The following SLC8A1 variants were observed in gnomAD, a reference collection of about 807,000 sequenced individuals.
SLC8A1 encodes the protein sodium/calcium exchanger 1.
In SLC8A1, 18 loss-of-function variants were observed where a neutral mutation model predicts 68.3. That is an observed-to-expected ratio of 0.26 (90% confidence interval 0.18 to 0.39). The LOEUF is 0.39. Ranked by LOEUF, SLC8A1 falls within the 10% of genes least tolerant of loss-of-function variation. The probability of loss-of-function intolerance (pLI) is 1.00; values close to 1 mark genes in which losing one functional copy is unlikely to be tolerated. For missense variants in SLC8A1, 985 were observed against 1,156.7 expected, an observed-to-expected ratio of 0.85 and a Z score of 2.15; for synonymous variants, 475 against 415.5, an observed-to-expected ratio of 1.14 and a Z score of -1.74.
chr2:40,255,062 TGA>T (rs1487405753), intron 2 of SLC8A1: 1 of 152,110 alleles, frequency 6.6e-6, no homozygotes, highest in East Asian at 1.9e-4. Context: ...TCTCCTTAAA[TGA>T]CAGACCTTTT....
chr2:40,303,460 G>A (rs1400865996), intron 2 of SLC8A1, among the ~76,000 whole-genome samples: 3 of 152,146 alleles, frequency 2.0e-5, no homozygotes, highest in Admixed American at 6.5e-5. Flanking sequence ...ACAACACACT[G>A]AGTTCTGGCA....
chr2:40,302,262 G>A (rs1160109353), intron 2 of SLC8A1, among the ~76,000 whole-genome samples: 2 of 151,822 alleles, frequency 1.3e-5, no homozygotes, highest in Non-Finnish European at 2.9e-5. Flanking sequence ...AAAATCCATT[G>A]TATCATTTTT....
chr2:40,476,196 G>T (rs952665421), intron 1 of SLC8A1, among the ~76,000 whole-genome samples: 13 of 152,014 alleles, frequency 8.6e-5, no homozygotes, highest in East Asian at 1.9e-4. Context: ...TATCTAATTT[G>T]CAACAACCAA....
chr2:40,106,367 G>C (rs1485620716), exon 8 of SLC8A1: 2 of 152,056 alleles, frequency 1.3e-5, no homozygotes, highest in South Asian at 4.1e-4. Flanking sequence ...TCCTAGAAGA[G>C]TCACTGGTAG....
chr2:40,181,023 G>C (rs1483476839), intron 2 of SLC8A1, among the ~76,000 whole-genome samples: 2 of 151,428 alleles, frequency 1.3e-5, no homozygotes, highest in Non-Finnish European at 3.0e-5. Context: ...GCAGTGGTGT[G>C]ATCTCGGCTT....
At chr2:40,497,868 G>A (rs1705809945) in intron 1 of SLC8A1, among the ~76,000 whole-genome samples, 1 of 152,082 alleles carries the variant, frequency 6.6e-6, no homozygotes, top group Admixed American at 6.6e-5. Context: ...TAAAACTTGT[G>A]TTTTAGCAAA....
chr2:40,377,246 G>C (rs1487579410), intron 2 of SLC8A1, among the ~76,000 whole-genome samples: 3 of 152,014 alleles, frequency 2.0e-5, no homozygotes. Context: ...GAATAAGCAA[G>C]CCACCATGAA....
intron 2 of SLC8A1, among the ~76,000 whole-genome samples, chr2:40,316,621 T>C (rs1190189642): frequency 6.6e-6 from 1 of 152,026 alleles, no homozygotes; most frequent in Non-Finnish European, 1.5e-5. Flanking sequence ...CAGGGTCTAC[T>C]GCCCTCCTGC....
intron 2 of SLC8A1, among the ~76,000 whole-genome samples, chr2:40,411,329 A>G (rs1041135360): frequency 6.6e-6 from 1 of 152,110 alleles, no homozygotes; most frequent in African/African-American, 2.4e-5. Flanking sequence ...ACTTCCATAT[A>G]TAAGCACTGG....
chr2:40,427,726 C>T (rs1182151969), intron 2 of SLC8A1, among the ~76,000 whole-genome samples: 1 of 152,156 alleles, frequency 6.6e-6, no homozygotes, highest in African/African-American at 2.4e-5. Context: ...TCCTTCTTTT[C>T]TCTGACCTGC....
chr2:40,159,661 T>C (rs2045304950), intron 6 of SLC8A1, among the ~76,000 whole-genome samples: 1 of 152,206 alleles, frequency 6.6e-6, no homozygotes, highest in Non-Finnish European at 1.5e-5. Context: ...CCCCTCCTTC[T>C]ATTAGAGCTT....
chr2:40,296,582 A>C (rs1488863701), intron 2 of SLC8A1, among the ~76,000 whole-genome samples: 1 of 152,126 alleles, frequency 6.6e-6, no homozygotes, highest in Non-Finnish European at 1.5e-5. Context: ...ATTATTTTTA[A>C]ATTTTTCTTT....
At chr2:40,254,241 A>ACCCC (rs1276446434) in intron 2 of SLC8A1, among the ~76,000 whole-genome samples, 5 of 152,338 alleles carry the variant, frequency 3.3e-5, no homozygotes, top group Admixed American at 6.5e-5. Flanking sequence ...TTAAAAATAG[A>ACCCC]AATGAGATTG....
chr2:40,298,359 A>G (rs866407323), intron 2 of SLC8A1, among the ~76,000 whole-genome samples: 7 of 152,210 alleles, frequency 4.6e-5, no homozygotes, highest in South Asian at 4.2e-4. Context: ...TCTTTCCCTA[A>G]ATGGATTTGG....
chr2:40,407,401 A>G (rs1690716240), intron 2 of SLC8A1, among the ~76,000 whole-genome samples: 1 of 152,178 alleles, frequency 6.6e-6, no homozygotes, highest in African/African-American at 2.4e-5. Context: ...CTTGTCTGTA[A>G]AAATGAGATG....
intron 2 of SLC8A1, among the ~76,000 whole-genome samples, chr2:40,262,226 G>A (rs1277401102): frequency 1.3e-5 from 2 of 152,198 alleles, no homozygotes; most frequent in Non-Finnish European, 2.9e-5. Flanking sequence ...CTCCCAAAGT[G>A]CTGGGATTAC....
At chr2:40,250,003 G>C (rs2062491520) in intron 2 of SLC8A1, among the ~76,000 whole-genome samples, 1 of 152,130 alleles carries the variant, frequency 6.6e-6, no homozygotes, top group Non-Finnish European at 1.5e-5. Flanking sequence ...AACCTTCCGG[G>C]TGTATGTATG....
At chr2:40,244,999 T>C (rs896039258) in intron 2 of SLC8A1, among the ~76,000 whole-genome samples, 2 of 152,224 alleles carry the variant, frequency 1.3e-5, no homozygotes, top group African/African-American at 4.8e-5. Context: ...ATTTACAGTG[T>C]TCAAAGGTAG....
intron 1 of SLC8A1, among the ~76,000 whole-genome samples, chr2:40,505,739 T>C (rs1238993864): frequency 1.3e-5 from 2 of 152,104 alleles, no homozygotes; most frequent in Non-Finnish European, 2.9e-5. Flanking sequence ...TCACTATGCA[T>C]ACATATTTGG....
Sources: allele counts gnomAD v4.1 joint callset (sites outside exome capture counted in the v4.1 genomes callset), GRCh38; gene constraint gnomAD v4.1.1; transcripts MANE v1.5; gene names NCBI Gene and HGNC (gene_info 2026-07-23, HGNC 2026-07-21).